ZNF79: variants seen among roughly 807,000 people sequenced by gnomAD.
ZNF79 encodes zinc finger protein 79, also known as ZNFpT7.
Under a neutral mutation model 14.9 loss-of-function variants are expected in ZNF79, and 13 were observed. That is an observed-to-expected ratio of 0.87 (90% CI 0.57 to 1.38). The LOEUF (loss-of-function observed/expected upper bound fraction) is 1.38. Ranked by LOEUF, ZNF79 falls within the 40% of genes most tolerant of loss-of-function variation. The pLI, the probability that ZNF79 is intolerant of heterozygous loss-of-function variation, is 0.00. For synonymous variants in ZNF79, 223 were observed against 235.1 expected, an observed-to-expected ratio of 0.95 and a Z score of 0.47; for missense variants, 631 against 630.6, an observed-to-expected ratio of 1.00 and a Z score of -0.01.
In ZNF79 at chr9:127,444,469, G is replaced by C; in HGVS notation, c.769G>C (p.Ala257Pro). The change falls in exon 5 of 5, where the codon GCC becomes CCC. Residue 257 changes from alanine to proline, a missense_variant. By Grantham distance (27) the Ala-to-Pro change is conservative (BLOSUM62 -1). Transcript: ENST00000342483. Reference sequence around the variant, plus strand: ...TTACAAGTGCAGTGAATGTGGAAGAGCCTTCAGCCAGAACGCCAACCTCAC... The same window carrying C: ...TTACAAGTGCAGTGAATGTGGAAGACCCTTCAGCCAGAACGCCAACCTCAC... ...KPYKCSECGR[A>P]FSQNANLTKH... The C allele has an allele frequency of 6.2e-7, 1 of 1,610,184 alleles. No homozygotes were observed. Among genetic ancestry groups the C allele is most frequent in the Non-Finnish European group, 8.5e-7 (1 of 1,176,666 alleles).
intron 4 of ZNF79, among the ~76,000 whole-genome samples, chr9:127,439,015 G>A (rs1045386125): frequency 1.3e-5 from 2 of 152,066 alleles, no homozygotes; most frequent in African/African-American, 4.8e-5. Flanking sequence ...GGGAGGCTGA[G>A]GCACGAGAAT....
intron 2 of ZNF79, 152 bp downstream of exon 2, chr9:127,429,072 T>G (rs1833813358): frequency 2.0e-6 from 1 of 510,226 alleles, no homozygotes; most frequent in Non-Finnish European, 3.3e-6. Flanking sequence ...TGGAGTGCAG[T>G]GGCATGATCT....
intron 4 of ZNF79, 117 bp downstream of exon 4, chr9:127,436,120 T>A (rs1833944459): frequency 1.2e-6 from 1 of 802,494 alleles, no homozygotes; most frequent in African/African-American, 1.7e-5. Context: ...ACCCCCATTC[T>A]ACAGATGAGG....
intron 4 of ZNF79, among the ~76,000 whole-genome samples, chr9:127,439,594 C>T (rs1243569104): frequency 6.6e-6 from 1 of 152,160 alleles, no homozygotes; most frequent in African/African-American, 2.4e-5. Flanking sequence ...GTGACAGACC[C>T]AGGAGTTGAA....
At chr9:127,442,081 C>T (rs1372235102) in intron 4 of ZNF79, among the ~76,000 whole-genome samples, 2 of 151,884 alleles carry the variant, frequency 1.3e-5, no homozygotes, top group Non-Finnish European at 2.9e-5. Flanking sequence ...CACACTATTG[C>T]ACTCCAGCCT....
In ZNF79 at chr9:127,444,540, C is replaced by T. The variant is rs775921155; in HGVS notation, c.840C>T (p.Ser280=). 1.1e-5 allele frequency: 17 copies of T among 1,613,772 alleles called. No homozygotes were observed. The highest frequency in any genetic ancestry group is 6.6e-5 in the South Asian group (6 of 91,072). The part of the protein sequence containing the change: ...THTGEKPYRC[S]ECEKAFSDCS... ...CCGGAGAGAAGCCCTACAGATGCAG[C>T]GAGTGTGAGAAAGCCTTCAGTGACT... Residue 280 remains serine (S), a synonymous_variant, in exon 5 of 5, where the codon AGC becomes AGT. Coordinates refer to ENST00000342483, the MANE Select transcript of ZNF79 (RefSeq NM_007135.3).
rs1295699407 is a variant in ZNF79, at chr9:127,439,191, ACACACACACACACAACGCG to A, written c.328+3201_328+3219del. ...AACTGTGGGTGAAATACACACACACACACACACACACACAACGCGCACACACACACATATACACGTATAT... is the reference window on the plus strand; with the variant it reads ...AACTGTGGGTGAAATACACACACACACACACACACACATATACACGTATAT... On this transcript the variant is annotated intron_variant, in intron 4 of 4. Transcript: ENST00000342483. 3.9e-5 allele frequency among the ~76,000 whole-genome samples: 6 copies of A among 151,984 alleles called. No homozygotes were observed. The East Asian group carries it at 1.2e-3, about 29-fold the overall frequency.
intron 2 of ZNF79, among the ~76,000 whole-genome samples, chr9:127,432,544 T>TTA (rs397825827): frequency 6.6e-6 from 1 of 151,724 alleles, no homozygotes; most frequent in African/African-American, 2.4e-5. Flanking sequence ...TTTTTTTTTT[T>TTA]AGGTATTCTA....
chr9:127,442,277 T>G (rs542325815), intron 4 of ZNF79, among the ~76,000 whole-genome samples: 45 of 151,754 alleles, frequency 3.0e-4, no homozygotes, highest in African/African-American at 1.1e-3. Flanking sequence ...GGCGGGCACC[T>G]GTAATCCCAG....
intron 2 of ZNF79, 134 bp from the exon 3 acceptor site, chr9:127,434,956 A>G: frequency 9.0e-7 from 1 of 1,115,048 alleles, no homozygotes. Context: ...GCACCTGGCC[A>G]TTTTCTTCAA....
chr9:127,430,640 C>A (rs780184248), intron 2 of ZNF79, among the ~76,000 whole-genome samples: 6 of 152,230 alleles, frequency 3.9e-5, no homozygotes, highest in Non-Finnish European at 7.3e-5. Context: ...CATGTATTTC[C>A]TGTTCCACGT....
At chr9:127,442,351 A>G (rs1834064279) in intron 4 of ZNF79, among the ~76,000 whole-genome samples, 1 of 151,560 alleles carries the variant, frequency 6.6e-6, no homozygotes, top group African/African-American at 2.4e-5. Flanking sequence ...CAGTGAGCCA[A>G]GATAGCACCA....
chr9:127,436,815 G>C (rs1833955324), intron 4 of ZNF79, among the ~76,000 whole-genome samples: 1 of 152,168 alleles, frequency 6.6e-6, no homozygotes, highest in South Asian at 2.1e-4. Context: ...CCAGCACTTG[G>C]GGAGGCCGAG....
chr9:127,430,163 C>T (rs1379265677), intron 2 of ZNF79, among the ~76,000 whole-genome samples: 3 of 152,198 alleles, frequency 2.0e-5, no homozygotes, highest in East Asian at 1.9e-4. Flanking sequence ...GTATTCTGCT[C>T]TGTAATGTTT....
intron 2 of ZNF79, among the ~76,000 whole-genome samples, chr9:127,430,438 A>G (rs1251661719): frequency 6.6e-6 from 1 of 152,082 alleles, no homozygotes; most frequent in Non-Finnish European, 1.5e-5. Flanking sequence ...TCCCTCTAGT[A>G]GTCCCCAGCA....
intron 2 of ZNF79, among the ~76,000 whole-genome samples, chr9:127,434,196 A>T (rs900734224): frequency 1.3e-5 from 2 of 149,960 alleles, no homozygotes; most frequent in Admixed American, 6.6e-5. Context: ...CCATCCGCGA[A>T]CCTTCTCCTT....
intron 4 of ZNF79, among the ~76,000 whole-genome samples, chr9:127,443,217 G>A (rs1303296600): frequency 5.3e-5 from 8 of 152,000 alleles, no homozygotes; most frequent in Admixed American, 3.9e-4. Context: ...GAGGCAGGAG[G>A]GTCGCTTGAG....
rs190795164 is a variant in ZNF79 at position 127,438,302 on chromosome 9, C to T, written c.328+2299C>T. On this transcript the variant is annotated intron_variant, in intron 4 of 4. Transcript: ENST00000342483. ...GGCTTCAGATTGGGGTTCCCACGACCCCCCTTTGGATTACATTAATTTATT... is the reference window on the plus strand; with the variant it reads ...GGCTTCAGATTGGGGTTCCCACGACTCCCCTTTGGATTACATTAATTTATT... Among the ~76,000 whole-genome samples the T allele has an allele frequency of 3.9e-5, 6 of 152,290 alleles. No homozygotes were observed. The East Asian group carries it at 1.2e-3, about 29-fold the overall frequency.
At chr9:127,438,190 C>A (rs977234300) in intron 4 of ZNF79, among the ~76,000 whole-genome samples, 1 of 152,174 alleles carries the variant, frequency 6.6e-6, no homozygotes, top group Non-Finnish European at 1.5e-5. Flanking sequence ...GAGATAGCAT[C>A]AGATCCCACT....
Sources: gnomAD v4.1 joint callset for allele counts (sites outside exome capture counted in the v4.1 genomes callset) on GRCh38, gnomAD v4.1.1 for gene constraint, MANE v1.5 for transcripts, NCBI Gene and HGNC (gene_info 2026-07-23, HGNC 2026-07-21) for gene names.